Variants in CCT5 observed in about 807,000 individuals in gnomAD.
CCT5 encodes the protein T-complex protein 1 subunit epsilon.
CCT5 carries 6 observed loss-of-function variants against 55.0 expected under a neutral mutation model. The ratio of observed to expected loss-of-function variants is 0.11; its 90% confidence interval spans 0.06 to 0.22. The LOEUF is 0.22. Ranked by LOEUF, CCT5 falls within the 10% of genes least tolerant of loss-of-function variation. The pLI, the probability that CCT5 is intolerant of heterozygous loss-of-function variation, is 1.00. For synonymous variants in CCT5, 231 were observed against 243.7 expected (o/e 0.95, Z 0.49); for missense variants, 560 against 694.6 (o/e 0.81, Z 2.18).
intron 10 of CCT5, among the ~76,000 whole-genome samples, chr5:10,263,637 A>G (rs1369673301): frequency 6.6e-6 from 1 of 152,230 alleles, no homozygotes; most frequent in African/African-American, 2.4e-5. Flanking sequence ...GGCAGCATAT[A>G]TATAACAGCT....
chr5:10,252,476 G>A (rs1180981468), intron 1 of CCT5, among the ~76,000 whole-genome samples: 1 of 151,600 alleles, frequency 6.6e-6, no homozygotes, highest in African/African-American at 2.4e-5. Context: ...TTGACTGGGC[G>A]CGGTGGCTCA....
rs1444178041 is a variant in CCT5 at position 10,258,166 on chromosome 5, G to A, written c.586G>A (p.Val196Ile). Residue 196 changes from valine (V) to isoleucine (I), a missense_variant, in exon 5 of 11, where the codon GTA (valine) becomes ATA (isoleucine). Physicochemically the swap from Val to Ile is conservative, Grantham distance 29. This residue lies in a region of CCT5 where 256 missense variants were observed against 372.4 expected (regional missense o/e 0.69). Coordinates refer to ENST00000280326, the MANE Select transcript of CCT5 (RefSeq NM_012073.5). ...GATTGCTGTGAATGCCGTCCTCACT[G>A]TAGCAGATATGGAGCGGAGAGACGT... ...AEIAVNAVLT[V>I]ADMERRDVDF... 1.2e-6 allele frequency: 2 copies of A among 1,614,216 alleles called. No individual in the cohort carries two copies. The highest frequency in any genetic ancestry group is 2.2e-5 in the South Asian group (2 of 91,084).
Position 10,258,130 on chromosome 5 carries a change from C to G in CCT5, c.550C>G (p.Gln184Glu). The G allele has an allele frequency of 6.2e-7, 1 of 1,614,194 alleles. No individual in the cohort carries two copies. Among genetic ancestry groups the G allele is most frequent in the Non-Finnish European group, 8.5e-7 (1 of 1,180,040 alleles). The change falls in exon 5 of 11, where the codon CAG becomes GAG. Residue 184 changes from glutamine to glutamate, a missense_variant. By Grantham distance (29) the Gln-to-Glu change is conservative. Transcript: ENST00000280326. ...CCTCAGGGTCAACAGTTGTCACCGA[C>G]AGATGGCTGAGATTGCTGTGAATGC... ...GSKVVNSCHR[Q>E]MAEIAVNAVL... is the part of the protein sequence containing the mutation.
chr5:10,259,967 CCTGTT>C (rs1208684370), intron 6 of CCT5, among the ~76,000 whole-genome samples: 1 of 152,182 alleles, frequency 6.6e-6, no homozygotes, highest in Non-Finnish European at 1.5e-5. Flanking sequence ...AGGACCCTCT[CCTGTT>C]CTGAGCATGT....
In CCT5 at chr5:10,260,800, G is replaced by C. The variant is rs1177133073; in HGVS notation, c.882G>C (p.Glu294Asp). 1 of 1,613,698 alleles carries C rather than the reference G, an allele frequency of 6.2e-7. No homozygotes were observed. Among genetic ancestry groups the C allele is most frequent in the Non-Finnish European group, 8.5e-7 (1 of 1,179,906 alleles). Residue 294 changes from glutamate (E) to aspartate (D), a missense_variant, in exon 7 of 11, where the codon GAG (glutamate) becomes GAC (aspartate). Around this residue, in one of 4 missense-constraint regions of CCT5, gnomAD observed 256 missense variants for 372.4 expected, o/e 0.69. Transcript: ENST00000280326. ...GGTGGTTCTTTTCCCAGATTAAAGA[G>C]ACTGGTGCTAACCTAGCAATTTGTC... Reference protein sequence around the residue: ...KFEEMIQQIKETGANLAICQW... With the variant: ...KFEEMIQQIKDTGANLAICQW...
intron 1 of CCT5, among the ~76,000 whole-genome samples, chr5:10,253,334 A>AT (rs919703061): frequency 6.6e-6 from 1 of 151,778 alleles, no homozygotes; most frequent in Admixed American, 6.6e-5. Context: ...GTCTCAAAAA[A>AT]AAAAAGGCCA....
At chr5:10,264,618 T>C (rs1231091907) in intron 10 of CCT5, 38 bp from the exon 11 acceptor site, 2 of 1,291,526 alleles carry the variant, frequency 1.5e-6, no homozygotes, top group East Asian at 2.3e-5. Context: ...GTTTATTGTA[T>C]GCTATTTTAG....
In CCT5 at chr5:10,258,164, C is replaced by A. The variant is rs1402526047; in HGVS notation, c.584C>A (p.Thr195Asn). ...GAGATTGCTGTGAATGCCGTCCTCA[C>A]TGTAGCAGATATGGAGCGGAGAGAC... ...MAEIAVNAVL[T>N]VADMERRDVD... is the part of the protein sequence containing the mutation. Residue 195 changes from threonine to asparagine, a missense_variant, in exon 5 of 11, where the codon ACT becomes AAT. Physicochemically the swap from Thr to Asn is moderately conservative, Grantham distance 65. Coordinates refer to ENST00000280326, the MANE Select transcript of CCT5 (RefSeq NM_012073.5). The A allele has an allele frequency of 5.6e-6, 9 of 1,614,186 alleles. No individual in the cohort carries two copies. Among genetic ancestry groups the A allele is most frequent in the Non-Finnish European group, 7.6e-6 (9 of 1,180,040 alleles).
rs1554011822 is a variant in CCT5 at position 10,263,152 on chromosome 5, T to C, written c.1336T>C (p.Tyr446His). The change falls in exon 10 of 11, where the codon TAT (tyrosine) becomes CAT (histidine). Residue 446 changes from tyrosine (Y) to histidine (H), a missense_variant. Tyr to His is a moderately conservative substitution (Grantham distance 83). Transcript: ENST00000280326. Reference sequence around the variant, plus strand: ...TTTCCAGTGCCCCACCTTAGAACAGTATGCCATGAGAGCGTTTGCCGACGC... The same window carrying C: ...TTTCCAGTGCCCCACCTTAGAACAGCATGCCATGAGAGCGTTTGCCGACGC... Reference protein sequence around the residue: ...EADKCPTLEQYAMRAFADALE... With the variant: ...EADKCPTLEQHAMRAFADALE... 1.9e-6 allele frequency: 3 copies of C among 1,614,222 alleles called. No homozygotes were observed. The highest frequency in any genetic ancestry group is 2.5e-6 in the Non-Finnish European group (3 of 1,180,026).
chr5:10,250,012 C>T (rs1475171718), upstream of CCT5: 5 of 1,532,872 alleles, frequency 3.3e-6, no homozygotes, highest in East Asian at 7.3e-5. Context: ...CAATGAATTC[C>T]TCCTTGGGAC....
chr5:10,265,203 T>G lies in CCT5; in HGVS notation c.*420T>G, dbSNP rs755661384. On this transcript the variant is annotated 3_prime_UTR_variant, in exon 11 of 11. Transcript: ENST00000280326. ...ATATGGGCTTGATCCTCTTCCTATC[T>G]AAATGGGTGGGCCATTTGATTGTAG... 1.5e-5 allele frequency: 3 copies of G among 201,220 alleles called. No individual in the cohort carries two copies. The highest frequency in any genetic ancestry group is 3.1e-5 in the Non-Finnish European group (3 of 98,216). The allele number at this position is 201,220 out of a possible 1,614,324, so 12.5% of individuals were successfully genotyped here.
In CCT5 at chr5:10,264,658, A is replaced by T. The variant is rs768784172; in HGVS notation, c.1501A>T (p.Met501Leu). 1.2e-6 allele frequency: 2 copies of T among 1,604,696 alleles called. No individual in the cohort carries two copies. Among genetic ancestry groups the T allele is most frequent in the African/African-American group, 2.7e-5 (2 of 74,754 alleles). The stretch of plus-strand genomic sequence containing the variant: ...ATCAGTGTCCTTGTATTTTTCAGAT[A>T]TGAAGCAACAGCATGTCATAGAAAC... ...IDCLHKGTNDMKQQHVIETLI... is the reference protein window; with the variant it reads ...IDCLHKGTNDLKQQHVIETLI... Residue 501 changes from methionine to leucine, a missense_variant and splice_region_variant, in exon 11 of 11, where the codon ATG becomes TTG. Physicochemically the swap from Met to Leu is conservative, Grantham distance 15 (BLOSUM62 2). Around this residue, in one of 4 missense-constraint regions of CCT5, gnomAD observed 115 missense variants for 105.0 expected, o/e 1.10. Coordinates refer to ENST00000280326, the MANE Select transcript of CCT5 (RefSeq NM_012073.5).
rs1746221271 is a variant in CCT5, at chr5:10,266,139, GTTTA to G, written c.*1361_*1364del. 6.6e-6 allele frequency: 1 copy of G among 152,160 alleles called. No individual in the cohort carries two copies. The allele number at this position is 152,160 out of a possible 1,614,324, so 9.4% of individuals were successfully genotyped here. A position where few individuals can be genotyped will look rare whatever the true frequency, so the allele number is the denominator to read the frequency against. On this transcript the variant is annotated 3_prime_UTR_variant, in exon 11 of 11. Transcript: ENST00000280326. ...TTGAGTATTGAAAGCTTTAAACTGA[GTTTA>G]TTTACAAGGACTGAGTCTAGCCTAC...
At chr5:10,261,957 T>C (rs1745984464) in intron 8 of CCT5, 5 of 585,192 alleles carry the variant, frequency 8.5e-6, no homozygotes, top group African/African-American at 1.9e-5. Context: ...CCTTAGAGTA[T>C]ACAATATACA....
chr5:10,250,430 A>C lies in CCT5; in HGVS notation c.90A>C (p.Gly30=). ...KDQDRKSRLM[G]LEALKSHIMA... ...AGGACCGCAAGTCCCGTCTTATGGG[A>C]CTTGAGGCCCTCAAGGTAATGGCAC... Residue 30 remains glycine (G), a synonymous_variant, in exon 1 of 11, where the codon GGA becomes GGC. Coordinates refer to ENST00000280326, the MANE Select transcript of CCT5 (RefSeq NM_012073.5). The C allele has an allele frequency of 6.2e-7, 1 of 1,613,518 alleles. No homozygotes were observed. Among genetic ancestry groups the C allele is most frequent in the South Asian group, 1.1e-5 (1 of 91,056 alleles).
rs1388366216 is a variant in CCT5 at position 10,264,956 on chromosome 5, G to C, written c.*173G>C. On this transcript the variant is annotated 3_prime_UTR_variant, in exon 11 of 11. Transcript: ENST00000280326. ...CACTTGTTCAAAGCTGTGTAATCGTGGGGGTACCATCTCAACTGCTTTTGT... is the reference window on the plus strand; with the variant it reads ...CACTTGTTCAAAGCTGTGTAATCGTCGGGGTACCATCTCAACTGCTTTTGT... 2.3e-5 allele frequency: 18 copies of C among 776,566 alleles called. No individual in the cohort carries two copies. In the South Asian group the frequency reaches 2.9e-4, roughly 12 times the overall value. 48.1% of individuals were successfully genotyped at this position (776,566 alleles called of 1,614,324 possible). A position where few individuals can be genotyped will look rare whatever the true frequency, so the allele number is the denominator to read the frequency against.
intron 2 of CCT5, chr5:10,254,471 A>G (rs1253413729): frequency 1.6e-6 from 1 of 626,098 alleles, no homozygotes; most frequent in Admixed American, 2.7e-5. Context: ...GATTAACATT[A>G]TACTTAATGA....
chr5:10,250,655 C>T (rs750105084), intron 1 of CCT5: 3 of 1,413,974 alleles, frequency 2.1e-6, no homozygotes, highest in Middle Eastern at 2.6e-4. Flanking sequence ...TGGGGGCCAG[C>T]CAGGCTGGGC....
intron 10 of CCT5, among the ~76,000 whole-genome samples, chr5:10,264,179 G>A (rs566853817): frequency 3.9e-5 from 6 of 152,114 alleles, no homozygotes; most frequent in African/African-American, 1.4e-4. Flanking sequence ...GGAGGCTGAG[G>A]CAGGAGAATC....
Sources: allele counts gnomAD v4.1 joint callset (sites outside exome capture counted in the v4.1 genomes callset), GRCh38; gene constraint gnomAD v4.1.1; regional missense constraint gnomAD v4.1.1; transcripts MANE v1.5; gene names NCBI Gene and HGNC (gene_info 2026-07-23, HGNC 2026-07-21).